MTCL2: variants seen among roughly 807,000 people sequenced by gnomAD.
MTCL2 encodes the protein microtubule crosslinking factor 2.
chr20:36,821,062 C>A, the MTCL2 span, among the ~76,000 whole-genome samples: 2 of 152,142 alleles, frequency 1.3e-5, no homozygotes, highest in African/African-American at 4.8e-5. Flanking sequence ...TCAAAAAGGA[C>A]ATAGAAGAAT....
At chr20:36,813,970 C>T in the MTCL2 span, among the ~76,000 whole-genome samples, 2 of 152,058 alleles carry the variant, frequency 1.3e-5, no homozygotes, top group Admixed American at 1.3e-4. Context: ...TTTGCACAGG[C>T]TATTTGCTCT....
At chr20:36,830,290 G>A in the MTCL2 span, among the ~76,000 whole-genome samples, 2 of 152,122 alleles carry the variant, frequency 1.3e-5, no homozygotes, top group African/African-American at 2.4e-5. Flanking sequence ...TGAGGGGCTG[G>A]ACACGGTAGC....
the MTCL2 span, chr20:36,859,460 A>G: frequency 1.2e-5 from 8 of 679,838 alleles, no homozygotes; most frequent in Middle Eastern, 4.6e-4. Flanking sequence ...CACCACATCA[A>G]TCTCCCTCTG....
At chr20:36,844,709 T>G in the MTCL2 span, among the ~76,000 whole-genome samples, 1 of 144,478 alleles carries the variant, frequency 6.9e-6, no homozygotes, top group Admixed American at 6.9e-5. Flanking sequence ...AACATGATCA[T>G]AGAGACAGTT....
At chr20:36,810,717 C>CCTCTCTCTCTCCCTCTCTCT in the MTCL2 span, among the ~76,000 whole-genome samples, 5 of 94,194 alleles carry the variant, frequency 5.3e-5, no homozygotes, top group Admixed American at 1.3e-4. Flanking sequence ...TCTCTCTCTC[C>CCTCTCTCTCTCCCTCTCTCT]CTCTCTCTCT....
At chr20:36,817,406 C>T in the MTCL2 span, 1 of 1,585,536 alleles carries the variant, frequency 6.3e-7, no homozygotes, top group Non-Finnish European at 8.6e-7. Context: ...CTGGGAATTA[C>T]CTGCACCAAA....
At chr20:36,797,319 GT>G in the MTCL2 span, among the ~76,000 whole-genome samples, 4 of 149,786 alleles carry the variant, frequency 2.7e-5, no homozygotes, top group African/African-American at 4.9e-5. Context: ...GGGTGGTTGG[GT>G]TTTTTTTTTA....
the MTCL2 span, chr20:36,793,417 C>A: frequency 6.4e-7 from 1 of 1,551,308 alleles, no homozygotes. This position sits in a 1 kb window ranked among gnomAD's most constrained non-coding sequence, Gnocchi z 6.8. Flanking sequence ...GGGAGAGGGG[C>A]TCTGGCTTCT....
At chr20:36,832,295 T>A in the MTCL2 span, among the ~76,000 whole-genome samples, 1 of 152,168 alleles carries the variant, frequency 6.6e-6, no homozygotes, top group South Asian at 2.1e-4. Context: ...TGAGCTCCCA[T>A]CTGGGCCAGC....
At chr20:36,793,321 G>C in the MTCL2 span, 1 of 1,551,826 alleles carries the variant, frequency 6.4e-7, no homozygotes, top group Non-Finnish European at 8.7e-7. The surrounding 1 kb of genome is among the most constrained non-coding windows in gnomAD (Gnocchi z 6.8). Context: ...GGAGCATGGT[G>C]AGTCTGACCT....
the MTCL2 span, among the ~76,000 whole-genome samples, chr20:36,852,434 T>A: frequency 3.9e-5 from 6 of 152,074 alleles, no homozygotes; most frequent in Admixed American, 3.9e-4. Context: ...CTTCTGCCGG[T>A]CCCCCAGGAG....
the MTCL2 span, among the ~76,000 whole-genome samples, chr20:36,847,513 C>T: frequency 6.6e-6 from 1 of 152,122 alleles, no homozygotes; most frequent in South Asian, 2.1e-4. Context: ...GACCGTGGCA[C>T]AGAGCAGGTA....
At chr20:36,858,780 G>A in the MTCL2 span, among the ~76,000 whole-genome samples, 2 of 151,948 alleles carry the variant, frequency 1.3e-5, no homozygotes, top group African/African-American at 2.4e-5. Context: ...GTCCAGGCAG[G>A]TTCCATCACC....
the MTCL2 span, among the ~76,000 whole-genome samples, chr20:36,798,958 G>A: frequency 8.5e-5 from 13 of 152,272 alleles, no homozygotes; most frequent in East Asian, 2.5e-3. Flanking sequence ...TCAGTCCCAG[G>A]CAAGCCAGCA....
the MTCL2 span, among the ~76,000 whole-genome samples, chr20:36,845,532 C>A: frequency 1.3e-5 from 2 of 152,220 alleles, no homozygotes; most frequent in Non-Finnish European, 2.9e-5. Flanking sequence ...CTGGCACGGC[C>A]CCACGTGAGA....
the MTCL2 span, among the ~76,000 whole-genome samples, chr20:36,852,204 C>T: frequency 1.3e-5 from 2 of 152,066 alleles, no homozygotes; most frequent in Admixed American, 6.5e-5. Context: ...CCGCCTGGCC[C>T]GCCTGCTCCC....
the MTCL2 span, among the ~76,000 whole-genome samples, chr20:36,856,000 T>G: frequency 6.6e-6 from 1 of 152,262 alleles, no homozygotes; most frequent in East Asian, 1.9e-4. Context: ...GCAGCTTTGC[T>G]GCAACAAGAC....
the MTCL2 span, chr20:36,817,526 A>G: frequency 6.7e-7 from 1 of 1,481,754 alleles, no homozygotes; most frequent in Non-Finnish European, 9.0e-7. Context: ...AGCTCACAGA[A>G]TGATGCACAT....
chr20:36,835,213 C>T, the MTCL2 span, among the ~76,000 whole-genome samples: 5 of 152,284 alleles, frequency 3.3e-5, no homozygotes, highest in South Asian at 2.1e-4. Flanking sequence ...CTCTCCGCCC[C>T]GTGACCTTGC....
Sources: gnomAD v4.1 joint callset for allele counts (sites outside exome capture counted in the v4.1 genomes callset) on GRCh38, gnomAD v4.1.1 for gene constraint, Gnocchi (gnomAD v3.1) non-coding constraint, MANE v1.5 for transcripts, NCBI Gene and HGNC (gene_info 2026-07-23, HGNC 2026-07-21) for gene names.